Variants in JPH2 observed in about 807,000 individuals in gnomAD.
JPH2 encodes junctophilin-2.
In JPH2, 38 loss-of-function variants were observed where a neutral mutation model predicts 55.9. The observed-to-expected ratio is 0.68, with a 90% CI of 0.52 to 0.89. The LOEUF (loss-of-function observed/expected upper bound fraction) is 0.89. Ranked by LOEUF, JPH2 falls within the 40% of genes least tolerant of loss-of-function variation. The pLI, the probability that JPH2 is intolerant of heterozygous loss-of-function variation, is 0.00. For synonymous variants in JPH2, 480 were observed against 472.4 expected, an observed-to-expected ratio of 1.02 and a Z score of -0.21; for missense variants, 964 against 1,037.6, an observed-to-expected ratio of 0.93 and a Z score of 0.97.
At chr20:44,186,295 C>T (rs1335664107) in intron 1 of JPH2, 32 bp downstream of exon 1, 4 of 1,607,308 alleles carry the variant, frequency 2.5e-6, no homozygotes, top group East Asian at 2.2e-5. Context: ...CCTGGCTCCA[C>T]CCCACCTCTG....
chr20:44,176,349 G>C (rs1296905239), intron 1 of JPH2, among the ~76,000 whole-genome samples: 1 of 137,634 alleles, frequency 7.3e-6, no homozygotes, highest in Non-Finnish European at 1.5e-5. Context: ...TTAGAGATAG[G>C]GTCTCACTGT....
chr20:44,185,344 C>T (rs1338566778), intron 1 of JPH2, among the ~76,000 whole-genome samples: 1 of 151,944 alleles, frequency 6.6e-6, no homozygotes, highest in Non-Finnish European at 1.5e-5. Context: ...GGAATGTAGG[C>T]CCGGCACAGT....
At chr20:44,127,141 A>C (rs980796980) in intron 2 of JPH2, among the ~76,000 whole-genome samples, 1 of 152,196 alleles carries the variant, frequency 6.6e-6, no homozygotes, top group African/African-American at 2.4e-5. Context: ...TCAGTACTTC[A>C]TTCCTTTTTA....
Position 44,186,657 on chromosome 20 carries a change from C to T in JPH2, c.49G>A (p.Gly17Ser). The T allele has an allele frequency of 6.2e-7, 1 of 1,605,954 alleles. No individual in the cohort carries two copies. Among genetic ancestry groups the T allele is most frequent in the South Asian group, 1.1e-5 (1 of 91,074 alleles). The change falls in exon 1 of 6, where the codon GGC (glycine) becomes AGC (serine). Residue 17 changes from glycine (G) to serine (S), a missense_variant. Transcript: ENST00000372980. ...CCATGGGCCTTTCCCCCCTCCCAGC[C>T]CCCGCAGTACGCCCCTCCATCATCA... ...DFDDGGAYCG[G>S]WEGGKAHGHG... is the part of the protein sequence containing the mutation.
chr20:44,144,029 C>G (rs924211860), intron 2 of JPH2, among the ~76,000 whole-genome samples: 3 of 152,146 alleles, frequency 2.0e-5, no homozygotes, highest in African/African-American at 7.2e-5. Flanking sequence ...CGCCTGGCTT[C>G]GGGAACCAGC....
intron 1 of JPH2, among the ~76,000 whole-genome samples, chr20:44,180,197 G>C (rs1365359566): frequency 6.6e-6 from 1 of 152,216 alleles, no homozygotes; most frequent in African/African-American, 2.4e-5. Flanking sequence ...CAGCCTGGGT[G>C]ACAAGAGCGG....
intron 2 of JPH2, among the ~76,000 whole-genome samples, chr20:44,121,722 C>T (rs1369329418): frequency 5.9e-5 from 9 of 152,004 alleles, no homozygotes; most frequent in Non-Finnish European, 1.3e-4. Flanking sequence ...CATGGTGGCT[C>T]GTGCTTGTAA....
intron 2 of JPH2, among the ~76,000 whole-genome samples, chr20:44,131,056 T>C (rs1195013783): frequency 6.6e-6 from 1 of 152,220 alleles, no homozygotes; most frequent in Non-Finnish European, 1.5e-5. Flanking sequence ...GGCAGATTTC[T>C]CATATGGCTC....
intron 2 of JPH2, among the ~76,000 whole-genome samples, chr20:44,154,192 A>C (rs1401850548): frequency 6.6e-6 from 1 of 152,220 alleles, no homozygotes; most frequent in Non-Finnish European, 1.5e-5. Flanking sequence ...ACACTGTCCA[A>C]TAAATATAAC....
Position 44,114,806 on chromosome 20 carries a change from A to T in JPH2, c.2081T>A (p.Leu694His). ...CCTGGTAAGCGACGGTCAGGTCAGG[A>T]GGTGAACAAAGAGGATGGCCAGGCC... ...NIGLAILFVH[L>H]LT The change falls in exon 5 of 6, where the codon CTC (leucine) becomes CAC (histidine). Residue 694 changes from leucine to histidine, a missense_variant. Transcript: ENST00000372980. 6.2e-7 allele frequency: 1 copy of T among 1,605,168 alleles called. No individual in the cohort carries two copies. Among genetic ancestry groups the T allele is most frequent in the East Asian group, 2.2e-5 (1 of 44,642 alleles).
chr20:44,135,164 A>T (rs1027954517), intron 2 of JPH2, among the ~76,000 whole-genome samples: 1 of 151,778 alleles, frequency 6.6e-6, no homozygotes, highest in Non-Finnish European at 1.5e-5. Context: ...CTTATGCCCC[A>T]TCTAGTCCAG....
intron 1 of JPH2, among the ~76,000 whole-genome samples, chr20:44,162,783 TATATAC>T (rs1385081433): frequency 3.6e-3 from 221 of 61,954 alleles, no homozygotes; most frequent in African/African-American, 8.1e-3. Context: ...TATATATATA[TATATAC>T]ACACACACAC....
At chr20:44,175,878 A>T (rs2072729733) in intron 1 of JPH2, among the ~76,000 whole-genome samples, 1 of 152,184 alleles carries the variant, frequency 6.6e-6, no homozygotes, top group African/African-American at 2.4e-5. Flanking sequence ...TCAAGGGGAG[A>T]GGGTCTAAAA....
chr20:44,149,404 T>C (rs1407003207), intron 2 of JPH2, among the ~76,000 whole-genome samples: 2 of 152,266 alleles, frequency 1.3e-5, no homozygotes, highest in African/African-American at 4.8e-5. Context: ...GGGTAGCATA[T>C]AGCACACATA....
intron 1 of JPH2, among the ~76,000 whole-genome samples, chr20:44,175,901 A>T (rs921675400): frequency 6.6e-6 from 1 of 152,174 alleles, no homozygotes; most frequent in African/African-American, 2.4e-5. Flanking sequence ...AGACCCACCT[A>T]CCTGTGCACA....
chr20:44,159,521 G>A lies in JPH2; in HGVS notation c.1169+97C>T. 7.7e-7 allele frequency: 1 copy of A among 1,292,470 alleles called. No homozygotes were observed. Among genetic ancestry groups the A allele is most frequent in the Non-Finnish European group, 1.1e-6 (1 of 928,418 alleles). 80.1% of individuals were successfully genotyped at this position (1,292,470 alleles called of 1,614,324 possible). On this transcript the variant is annotated intron_variant, in intron 2 of 5. Coordinates refer to ENST00000372980, the MANE Select transcript of JPH2 (RefSeq NM_020433.5). This position sits in a 1 kb window ranked among gnomAD's most constrained non-coding sequence, Gnocchi z 5.7. ...GAAGGTGATGGGGGTAAAAGAAGCA[G>A]AATCAGGCTTGGAGACAGGGCCTCC... is the stretch of plus-strand genomic sequence containing the variant.
intron 1 of JPH2, among the ~76,000 whole-genome samples, chr20:44,168,499 T>A (rs1175878714): frequency 6.6e-6 from 1 of 152,266 alleles, no homozygotes. Flanking sequence ...AGTTCTGGTT[T>A]AAGTCATTTG....
At chr20:44,123,164 C>T (rs986828223) in intron 2 of JPH2, among the ~76,000 whole-genome samples, 4 of 152,188 alleles carry the variant, frequency 2.6e-5, no homozygotes, top group Non-Finnish European at 4.4e-5. Context: ...CATCTCCAAC[C>T]ACCCGGCCCG....
intron 2 of JPH2, among the ~76,000 whole-genome samples, chr20:44,146,564 C>T (rs756838662): frequency 2.0e-5 from 3 of 152,272 alleles, no homozygotes; most frequent in South Asian, 2.1e-4. Context: ...GGCAGGAGTC[C>T]GGGGTCGGGG....
Sources: gnomAD v4.1 joint callset for allele counts (sites outside exome capture counted in the v4.1 genomes callset) on GRCh38, gnomAD v4.1.1 for gene constraint, Gnocchi (gnomAD v3.1) non-coding constraint, MANE v1.5 for transcripts, NCBI Gene and HGNC (gene_info 2026-07-23, HGNC 2026-07-21) for gene names.